CCSER2: variants seen among roughly 807,000 people sequenced by gnomAD.
CCSER2 encodes the protein serine-rich coiled-coil domain-containing protein 2.
Under a neutral mutation model 92.3 loss-of-function variants are expected in CCSER2, and 46 were observed. The observed-to-expected ratio is 0.50, with a 90% CI of 0.39 to 0.64. The LOEUF is 0.64. CCSER2 is among the 30% of genes least tolerant of loss of function. CCSER2 has a pLI of 0.00. For missense variants in CCSER2, 1,244 were observed against 1,238.9 expected, an observed-to-expected ratio of 1.00 and a Z score of -0.06; for synonymous variants, 433 against 431.4, an observed-to-expected ratio of 1.00 and a Z score of -0.04.
chr10:84,364,736 A>ATTTTT (rs754215030), intron 1 of CCSER2, among the ~76,000 whole-genome samples: 1 of 114,612 alleles, frequency 8.7e-6, no homozygotes, highest in Non-Finnish European at 2.0e-5. Flanking sequence ...GTATTTTTGA[A>ATTTTT]TTTTTTTTTG....
At chr10:84,366,269 C>T (rs1447549661) in intron 1 of CCSER2, among the ~76,000 whole-genome samples, 1 of 152,024 alleles carries the variant, frequency 6.6e-6, no homozygotes, top group Non-Finnish European at 1.5e-5. Flanking sequence ...ACATATTGCC[C>T]AAGGGAGCTA....
intron 9 of CCSER2, among the ~76,000 whole-genome samples, chr10:84,502,029 G>T (rs189027184): frequency 6.7e-6 from 1 of 148,922 alleles, no homozygotes; most frequent in Non-Finnish European, 1.5e-5. Flanking sequence ...AGCTTGAAAG[G>T]TTCCTTTAGA....
chr10:84,509,857 T>G (rs1376819339), intron 9 of CCSER2, among the ~76,000 whole-genome samples: 1 of 152,166 alleles, frequency 6.6e-6, no homozygotes, highest in Non-Finnish European at 1.5e-5. Flanking sequence ...CCCAAAGGCC[T>G]TTTTTGGATA....
chr10:84,414,555 G>C (rs1326825734), intron 3 of CCSER2, among the ~76,000 whole-genome samples: 1 of 151,888 alleles, frequency 6.6e-6, no homozygotes, highest in East Asian at 1.9e-4. Flanking sequence ...AGATGACCTG[G>C]TCTTTGTCTC....
intron 6 of CCSER2, among the ~76,000 whole-genome samples, chr10:84,460,002 T>C (rs566969410): frequency 6.6e-6 from 1 of 152,248 alleles, no homozygotes; most frequent in South Asian, 2.1e-4. Context: ...TTTCTGACTA[T>C]TGAACCAGCT....
At chr10:84,481,480 C>T (rs1359013631) in intron 9 of CCSER2, among the ~76,000 whole-genome samples, 1 of 151,672 alleles carries the variant, frequency 6.6e-6, no homozygotes, top group Non-Finnish European at 1.5e-5. Flanking sequence ...GCTACAGGTG[C>T]TTTTGGTGTT....
chr10:84,446,150 G>A (rs750407962), intron 6 of CCSER2, among the ~76,000 whole-genome samples: 11 of 152,088 alleles, frequency 7.2e-5, no homozygotes, highest in Non-Finnish European at 1.6e-4. Context: ...AAGAAATGAA[G>A]AATTTAAGAT....
At chr10:84,430,622 A>G (rs868074386) in intron 5 of CCSER2, among the ~76,000 whole-genome samples, 26 of 152,108 alleles carry the variant, frequency 1.7e-4, no homozygotes, top group East Asian at 1.3e-3. Context: ...TTGTCCCCCA[A>G]TCTCTAGTGA....
chr10:84,360,018 T>A (rs1172849790), intron 1 of CCSER2, among the ~76,000 whole-genome samples: 5 of 152,126 alleles, frequency 3.3e-5, no homozygotes, highest in Non-Finnish European at 7.4e-5. Flanking sequence ...TTCACCATCT[T>A]GGCCAGGCTG....
Position 84,418,166 on chromosome 10 carries a change from G to A in CCSER2, c.1705+305G>A, listed in dbSNP as rs150354951. Among the ~76,000 whole-genome samples the A allele has an allele frequency of 1.5e-3, 226 of 151,908 alleles. 2 individuals are homozygous for A. The highest frequency in any genetic ancestry group is 5.2e-3 in the African/African-American group (215 of 41,424). On this transcript the variant is annotated intron_variant, in intron 4 of 9. Coordinates refer to ENST00000372088, the MANE Select transcript of CCSER2 (RefSeq NM_001284240.2). ...GTTTTTCCTCCCTTTATCTCATTTT[G>A]ATTTTAGGAAGAAATGTATTTACAG...
intron 9 of CCSER2, among the ~76,000 whole-genome samples, chr10:84,506,486 T>C (rs1397312864): frequency 6.6e-6 from 1 of 152,198 alleles, no homozygotes; most frequent in Non-Finnish European, 1.5e-5. Flanking sequence ...ATACCTTTAG[T>C]GGTCTTCAAT....
chr10:84,457,302 ATATGTTAT>A (rs1564684921), intron 6 of CCSER2, among the ~76,000 whole-genome samples: 1 of 64,696 alleles, frequency 1.5e-5, no homozygotes, highest in Non-Finnish European at 2.8e-5. Flanking sequence ...ATTATATATA[ATATGTTAT>A]ATATAATATA....
chr10:84,371,621 C>T lies in CCSER2; in HGVS notation c.569C>T (p.Ala190Val), dbSNP rs201862257. The T allele has an allele frequency of 1.2e-4, 188 of 1,613,206 alleles. 1 individual carries two copies. In the East Asian group the frequency reaches 3.3e-3, roughly 28 times the overall value. Residue 190 changes from alanine to valine, a missense_variant, in exon 2 of 10, where the codon GCG (alanine) becomes GTG (valine). Transcript: ENST00000372088. ...GCTGGTAGCATGCAAAGGCCTAGAG[C>T]GAACTCCTGTGCCACCAGAAGCAGT... is the stretch of plus-strand genomic sequence containing the variant. ...RSAGSMQRPR[A>V]NSCATRSSSG...
intron 1 of CCSER2, among the ~76,000 whole-genome samples, chr10:84,350,378 TG>T (rs1003130380): frequency 2.8e-5 from 4 of 143,590 alleles, no homozygotes; most frequent in South Asian, 2.2e-4. Context: ...ATTATTTAAT[TG>T]TTTTTTTTTC....
intron 5 of CCSER2, among the ~76,000 whole-genome samples, chr10:84,431,891 A>C (rs1035155908): frequency 6.6e-6 from 1 of 152,240 alleles, no homozygotes; most frequent in Admixed American, 6.5e-5. Flanking sequence ...GCACGGGCGT[A>C]CATTTTTCAC....
chr10:84,454,296 C>T (rs1011605677), intron 6 of CCSER2, among the ~76,000 whole-genome samples: 2 of 152,048 alleles, frequency 1.3e-5, no homozygotes, highest in African/African-American at 4.8e-5. Flanking sequence ...TAAGGATATC[C>T]GCTATATTGG....
intron 3 of CCSER2, among the ~76,000 whole-genome samples, chr10:84,400,783 G>A (rs529919472): frequency 3.9e-5 from 6 of 152,066 alleles, no homozygotes; most frequent in East Asian, 3.9e-4. Context: ...GTGTGGTGGC[G>A]GGCACCTGTA....
At chr10:84,465,243 G>A (rs56010222) in intron 7 of CCSER2, among the ~76,000 whole-genome samples, 124 of 2,278 alleles carry the variant, frequency 0.054, 1 homozygote, top group African/African-American at 0.22. Context: ...CTGAATTTGT[G>A]TGTGTGTGTG....
intron 6 of CCSER2, among the ~76,000 whole-genome samples, chr10:84,447,639 A>G (rs971217862): frequency 6.6e-6 from 1 of 152,164 alleles, no homozygotes. Context: ...AAAATATTCT[A>G]TTCTTTTCTA....
Sources: allele counts gnomAD v4.1 joint callset (sites outside exome capture counted in the v4.1 genomes callset), GRCh38; gene constraint gnomAD v4.1.1; transcripts MANE v1.5; gene names NCBI Gene and HGNC (gene_info 2026-07-23, HGNC 2026-07-21).